RAB3C: variants seen among roughly 807,000 people sequenced by gnomAD.
The protein encoded by RAB3C is ras-related protein Rab-3C.
A neutral mutation model predicts 26.4 loss-of-function variants in RAB3C; 17 were observed. The ratio of observed to expected loss-of-function variants is 0.64; its 90% CI spans 0.44 to 0.97. The LOEUF is 0.97. Ranked by LOEUF, RAB3C falls within the 50% of genes least tolerant of loss-of-function variation. RAB3C has a pLI of 0.00. For synonymous variants in RAB3C, 91 were observed against 95.9 expected (o/e 0.95, Z 0.30); for missense variants, 242 against 281.9 (o/e 0.86, Z 1.01).
chr5:58,582,390 A>G, upstream of RAB3C: 1 of 985,344 alleles, frequency 1.0e-6, no homozygotes. Flanking sequence ...CTGAACCTCG[A>G]GTTGTAATGG....
At chr5:58,730,907 T>C (rs1036706549) in intron 3 of RAB3C, among the ~76,000 whole-genome samples, 1 of 152,104 alleles carries the variant, frequency 6.6e-6, no homozygotes, top group Admixed American at 6.6e-5. Flanking sequence ...CTCACAGTCA[T>C]GGCAGAAGGT....
chr5:58,706,472 C>A (rs1203908991), intron 2 of RAB3C, among the ~76,000 whole-genome samples: 1 of 152,022 alleles, frequency 6.6e-6, no homozygotes, highest in African/African-American at 2.4e-5. Context: ...AGAATATATC[C>A]ATTTATACAT....
intron 2 of RAB3C, among the ~76,000 whole-genome samples, chr5:58,697,597 C>A (rs1333427132): frequency 6.6e-6 from 1 of 152,142 alleles, no homozygotes; most frequent in Non-Finnish European, 1.5e-5. Context: ...CTTTATGAAT[C>A]TGGGTGCTCC....
chr5:58,789,125 A>G (rs1428774935), intron 3 of RAB3C, among the ~76,000 whole-genome samples: 1 of 152,152 alleles, frequency 6.6e-6, no homozygotes, highest in African/African-American at 2.4e-5. Flanking sequence ...TTGGGAAAAT[A>G]AAATTTAGAT....
chr5:58,779,050 C>T (rs1231198755), intron 3 of RAB3C, among the ~76,000 whole-genome samples: 2 of 152,106 alleles, frequency 1.3e-5, no homozygotes, highest in African/African-American at 4.8e-5. Context: ...TCTGCTAACT[C>T]ACTTATGGTA....
intron 3 of RAB3C, among the ~76,000 whole-genome samples, chr5:58,785,005 T>C (rs1039974299): frequency 3.9e-5 from 6 of 152,156 alleles, no homozygotes; most frequent in African/African-American, 1.4e-4. Context: ...AGGCTGGATT[T>C]TACACCTGGG....
intron 1 of RAB3C, among the ~76,000 whole-genome samples, chr5:58,597,029 C>T (rs1413939569): frequency 1.3e-5 from 1 of 79,818 alleles, no homozygotes; most frequent in Admixed American, 2.1e-4. Context: ...TAATATAATA[C>T]ATAATATATA....
intron 3 of RAB3C, among the ~76,000 whole-genome samples, chr5:58,801,783 A>G (rs1457664793): frequency 1.3e-5 from 2 of 152,252 alleles, no homozygotes; most frequent in Non-Finnish European, 2.9e-5. Context: ...CCACTTTGTC[A>G]GCAACCAGCA....
At chr5:58,753,468 AG>A (rs1260287741) in intron 3 of RAB3C, among the ~76,000 whole-genome samples, 1 of 152,190 alleles carries the variant, frequency 6.6e-6, no homozygotes, top group Non-Finnish European at 1.5e-5. Context: ...TAAAACTTCC[AG>A]TTTCCCTGAA....
intron 1 of RAB3C, among the ~76,000 whole-genome samples, chr5:58,608,490 A>G (rs1746621708): frequency 6.6e-6 from 1 of 152,236 alleles, no homozygotes; most frequent in Admixed American, 6.5e-5. Context: ...ACAATGAGAT[A>G]CTAACTCATG....
chr5:58,700,789 C>T (rs961241081), intron 2 of RAB3C, among the ~76,000 whole-genome samples: 1 of 151,952 alleles, frequency 6.6e-6, no homozygotes, highest in African/African-American at 2.4e-5. Flanking sequence ...GCTAGGAAAT[C>T]GACTCGAGGT....
At chr5:58,804,059 T>TA (rs11398720) in intron 3 of RAB3C, among the ~76,000 whole-genome samples, 114,695 of 145,420 alleles carry the variant, frequency 0.79, 45,513 homozygotes, top group African/African-American at 0.88. Context: ...GACTCTATCT[T>TA]AAAAAAAAAA....
At chr5:58,629,803 G>A (rs148312651) in intron 2 of RAB3C, among the ~76,000 whole-genome samples, 1,928 of 152,246 alleles carry the variant, frequency 0.013, 25 homozygotes, top group Non-Finnish European at 0.018. Flanking sequence ...AAAAATTGGG[G>A]AAGCTGTCAG....
intron 2 of RAB3C, among the ~76,000 whole-genome samples, chr5:58,628,634 C>G (rs1240439855): frequency 7.2e-6 from 1 of 138,248 alleles, no homozygotes; most frequent in Non-Finnish European, 1.6e-5. Context: ...GTTAGTGGAA[C>G]AGGGTGGCAA....
chr5:58,734,877 A>T (rs1741101632), intron 3 of RAB3C, among the ~76,000 whole-genome samples: 1 of 152,218 alleles, frequency 6.6e-6, no homozygotes, highest in South Asian at 2.1e-4. Flanking sequence ...CAAATACTGA[A>T]TTATTGTCCC....
intron 2 of RAB3C, among the ~76,000 whole-genome samples, chr5:58,681,471 A>T (rs1748342116): frequency 6.6e-6 from 1 of 152,268 alleles, no homozygotes; most frequent in South Asian, 2.1e-4. Flanking sequence ...AGAAATTAAC[A>T]TTTAAATGGC....
chr5:58,655,249 A>G (rs1371526429), intron 2 of RAB3C, among the ~76,000 whole-genome samples: 3 of 152,214 alleles, frequency 2.0e-5, no homozygotes, highest in Non-Finnish European at 4.4e-5. Context: ...TGTGGCACCA[A>G]CTAAAAATGA....
chr5:58,586,837 G>A (rs900502627), intron 1 of RAB3C, among the ~76,000 whole-genome samples: 4 of 152,122 alleles, frequency 2.6e-5, no homozygotes, highest in African/African-American at 9.7e-5. Context: ...ATTAAAGTTA[G>A]CCATACTGTA....
intron 2 of RAB3C, 73 bp downstream of exon 2, chr5:58,617,943 TC>T (rs1746860336): frequency 1.1e-6 from 1 of 895,028 alleles, no homozygotes; most frequent in South Asian, 1.7e-5. Context: ...GGAGAAACTT[TC>T]TGCCTTGTTC....
Sources: allele counts gnomAD v4.1 joint callset (sites outside exome capture counted in the v4.1 genomes callset), GRCh38; gene constraint gnomAD v4.1.1; transcripts MANE v1.5; gene names NCBI Gene and HGNC (gene_info 2026-07-23, HGNC 2026-07-21).